The following ZFAND3 variants were observed in gnomAD, a reference collection of about 807,000 sequenced individuals.
ZFAND3 encodes the protein zinc finger AN1-type containing 3.
In ZFAND3, 10 loss-of-function variants were observed where a neutral mutation model predicts 29.6. The ratio of observed to expected loss-of-function variants is 0.34; its 90% CI spans 0.21 to 0.57. The LOEUF is 0.57. ZFAND3 is among the 20% of genes least tolerant of loss of function. The pLI is 0.86. For missense variants in ZFAND3, 230 were observed against 304.5 expected, an observed-to-expected ratio of 0.76 and a Z score of 1.82; for synonymous variants, 128 against 112.6, an observed-to-expected ratio of 1.14 and a Z score of -0.87.
At chr6:37,918,733 A>G (rs1301475085) in intron 1 of ZFAND3, among the ~76,000 whole-genome samples, 1 of 152,088 alleles carries the variant, frequency 6.6e-6, no homozygotes, top group Non-Finnish European at 1.5e-5. Flanking sequence ...ATTTTGACAC[A>G]CTTTGGGAAA....
chr6:37,863,459 A>G (rs1380540149), intron 1 of ZFAND3, among the ~76,000 whole-genome samples: 1 of 152,226 alleles, frequency 6.6e-6, no homozygotes, highest in East Asian at 1.9e-4. Context: ...ATTATTAAAA[A>G]CAGAAGTGCT....
At chr6:37,821,092 C>T (rs1581686408) in intron 1 of ZFAND3, among the ~76,000 whole-genome samples, 1 of 152,200 alleles carries the variant, frequency 6.6e-6, no homozygotes, top group South Asian at 2.1e-4. Flanking sequence ...AAGATTGTTT[C>T]TGGTGAGGAC....
chr6:37,984,718 C>T (rs1762637108), intron 2 of ZFAND3, among the ~76,000 whole-genome samples: 1 of 152,242 alleles, frequency 6.6e-6, no homozygotes, highest in African/African-American at 2.4e-5. Context: ...GTGTCCAGTA[C>T]TCTCATCTAT....
chr6:38,041,669 TCTTCTTCTTCTTCTTCTCCTTCTC>T lies in ZFAND3; in HGVS notation c.113-19918_113-19895del, dbSNP rs1561976711. On this transcript the variant is annotated intron_variant, in intron 2 of 5. Transcript: ENST00000287218. ...TTCTTCTTCTTCTTCTTCTTCTTCT[TCTTCTTCTTCTTCTTCTCCTTCTC>T]CTTCTCCTCCTCCTCCTCCTCCTCC... Among the ~76,000 whole-genome samples the T allele has an allele frequency of 3.0e-4, 7 of 22,966 alleles. 1 individual carries two copies. Among genetic ancestry groups the T allele is most frequent in the African/African-American group, 9.6e-4 (6 of 6,222 alleles). The allele number at this position is 22,966 out of a possible 152,430, so 15.1% of individuals were successfully genotyped here.
chr6:38,001,503 A>G (rs1479355285), intron 2 of ZFAND3, among the ~76,000 whole-genome samples: 1 of 152,208 alleles, frequency 6.6e-6, no homozygotes, highest in African/African-American at 2.4e-5. Flanking sequence ...CTTTGCACAG[A>G]GCAGAGCAAC....
chr6:38,046,799 T>A (rs1047585840), intron 2 of ZFAND3, among the ~76,000 whole-genome samples: 1 of 152,240 alleles, frequency 6.6e-6, no homozygotes, highest in East Asian at 1.9e-4. Flanking sequence ...GAAATACAGT[T>A]GTTTCAGACA....
At chr6:38,070,702 G>T (rs1286523721) in intron 3 of ZFAND3, among the ~76,000 whole-genome samples, 2 of 152,066 alleles carry the variant, frequency 1.3e-5, no homozygotes, top group Non-Finnish European at 2.9e-5. Flanking sequence ...CATAGAAGAG[G>T]AACTAACAAG....
chr6:38,111,785 G>T (rs1319954478), intron 4 of ZFAND3, among the ~76,000 whole-genome samples: 2 of 152,084 alleles, frequency 1.3e-5, no homozygotes, highest in Non-Finnish European at 2.9e-5. Flanking sequence ...AAATTTTGAG[G>T]GAGTCAGAAG....
intron 5 of ZFAND3, among the ~76,000 whole-genome samples, chr6:38,144,211 A>ATAT (rs70981524): frequency 0.018 from 835 of 45,570 alleles, 21 homozygotes; most frequent in African/African-American, 0.027. Context: ...ATATATATAT[A>ATAT]ATATATAATA....
chr6:37,850,849 C>G (rs1764267286), intron 1 of ZFAND3, among the ~76,000 whole-genome samples: 1 of 152,120 alleles, frequency 6.6e-6, no homozygotes, highest in Non-Finnish European at 1.5e-5. Flanking sequence ...GTCCTTCTGC[C>G]TCAGCCTCCT....
At chr6:37,844,861 A>T (rs1408835803) in intron 1 of ZFAND3, among the ~76,000 whole-genome samples, 1 of 151,516 alleles carries the variant, frequency 6.6e-6, no homozygotes, top group African/African-American at 2.4e-5. Flanking sequence ...AAAAAAAAAA[A>T]AAAATACAAA....
At chr6:38,031,812 TAC>T (rs902012226) in intron 2 of ZFAND3, among the ~76,000 whole-genome samples, 6 of 152,088 alleles carry the variant, frequency 3.9e-5, no homozygotes, top group African/African-American at 1.4e-4. Context: ...GACTCCAACT[TAC>T]AGTTTCATAT....
chr6:37,956,702 A>G (rs1031892419), intron 2 of ZFAND3, among the ~76,000 whole-genome samples: 2 of 152,196 alleles, frequency 1.3e-5, no homozygotes, highest in Admixed American at 1.3e-4. Flanking sequence ...CCTTCAGAAA[A>G]ATGTGCAAGT....
intron 4 of ZFAND3, among the ~76,000 whole-genome samples, chr6:38,094,667 G>A (rs1158471134): frequency 6.6e-6 from 1 of 152,026 alleles, no homozygotes; most frequent in Non-Finnish European, 1.5e-5. Context: ...ATTCTTTCCT[G>A]ATCCATCAAC....
chr6:38,005,579 G>A lies in ZFAND3; in HGVS notation c.113-56014G>A, dbSNP rs567682855. Among the ~76,000 whole-genome samples, 59 of 152,078 alleles carry A rather than the reference G, an allele frequency of 3.9e-4. 2 individuals are homozygous for A. Among genetic ancestry groups the A allele is most frequent in the Middle Eastern group, 3.4e-3 (1 of 294 alleles). On this transcript the variant is annotated intron_variant, in intron 2 of 5. Transcript: ENST00000287218. The stretch of plus-strand genomic sequence containing the variant: ...CTTCCCTCTCTGTTTTGAGCACTTG[G>A]GCAAGTCATTTGAGCTACCTGAGAG...
At position 38,091,154 on chromosome 6, in the gene ZFAND3, G is replaced by A. The variant is rs552139097; in HGVS notation, c.361+8697G>A. 1.3e-3 allele frequency among the ~76,000 whole-genome samples: 204 copies of A among 152,318 alleles called. 1 individual carries two copies. Among genetic ancestry groups the A allele is most frequent in the African/African-American group, 4.7e-3 (197 of 41,580 alleles). ...TAAAAATGCACTCTAGTATAAAAAC[G>A]AAGGGAAGCGTCATGTGGCTTGTTG... On this transcript the variant is annotated intron_variant, in intron 4 of 5. Transcript: ENST00000287218.
At chr6:37,933,963 C>T (rs372965654) in intron 2 of ZFAND3, among the ~76,000 whole-genome samples, 2 of 148,774 alleles carry the variant, frequency 1.3e-5, no homozygotes, top group Admixed American at 6.8e-5. Flanking sequence ...TCTCTGCTTA[C>T]CGCAACCTCC....
At chr6:37,884,218 ATGCGGTGGC>A (rs1764948568) in intron 1 of ZFAND3, among the ~76,000 whole-genome samples, 1 of 145,048 alleles carries the variant, frequency 6.9e-6, no homozygotes, top group Non-Finnish European at 1.5e-5. Context: ...AGGTGGCTGG[ATGCGGTGGC>A]TCACGCCTGT....
chr6:37,980,980 A>G (rs775191974), intron 2 of ZFAND3, among the ~76,000 whole-genome samples: 27 of 152,170 alleles, frequency 1.8e-4, no homozygotes, highest in South Asian at 6.2e-4. Flanking sequence ...TCTGCTTTCT[A>G]TTTGTTCTTG....
Sources: allele counts gnomAD v4.1 joint callset (sites outside exome capture counted in the v4.1 genomes callset), GRCh38; gene constraint gnomAD v4.1.1; transcripts MANE v1.5; gene names NCBI Gene and HGNC (gene_info 2026-07-23, HGNC 2026-07-21).